Variants in GADL1 observed in about 807,000 individuals in gnomAD.
GADL1 encodes GAD like acidic amino acid decarboxylase 1.
Under a neutral mutation model 69.5 loss-of-function variants are expected in GADL1, and 71 were observed. The observed-to-expected ratio is 1.02, with a 90% CI of 0.84 to 1.25. The LOEUF (loss-of-function observed/expected upper bound fraction) is 1.25. Ranked by LOEUF, GADL1 falls within the 50% of genes most tolerant of loss-of-function variation. The probability of loss-of-function intolerance (pLI) is 0.00; values close to 1 mark genes in which losing one functional copy is unlikely to be tolerated. For synonymous variants in GADL1, 254 were observed against 214.4 expected (o/e 1.18, Z -1.62); for missense variants, 737 against 631.8 (o/e 1.17, Z -1.79).
rs1490670354 is a variant in GADL1 at position 30,854,808 on chromosome 3, G to T, written c.338-19C>A. ...GGGTGGTCTGTAAATTTAAAATGGA[G>T]TATTCATCTATGCAGCAATAAAAAA... On this transcript the variant is annotated intron_variant, in intron 3 of 14. Transcript: ENST00000282538. The T allele has an allele frequency of 2.3e-6, 3 of 1,324,958 alleles. No homozygotes were observed. Among genetic ancestry groups the T allele is most frequent in the Non-Finnish European group, 3.2e-6 (3 of 944,642 alleles). 82.1% of individuals were successfully genotyped at this position (1,324,958 alleles called of 1,614,324 possible).
At chr3:30,805,472 A>G (rs558659869) in intron 11 of GADL1, among the ~76,000 whole-genome samples, 2 of 152,324 alleles carry the variant, frequency 1.3e-5, no homozygotes, top group Non-Finnish European at 2.9e-5. Flanking sequence ...TCCTATAAAC[A>G]TGACCTCTGG....
intron 1 of GADL1, among the ~76,000 whole-genome samples, chr3:30,868,887 G>A (rs1360105129): frequency 1.3e-5 from 2 of 151,858 alleles, no homozygotes; most frequent in Non-Finnish European, 1.5e-5. Context: ...TCTGGTTGGG[G>A]GAGGCCAAGG....
At chr3:30,811,981 T>G (rs1200047975) in intron 11 of GADL1, among the ~76,000 whole-genome samples, 1 of 152,216 alleles carries the variant, frequency 6.6e-6, no homozygotes, top group Non-Finnish European at 1.5e-5. Context: ...AATCCTGATC[T>G]AGAAGTTTAA....
At chr3:30,838,384 G>A (rs914558681) in intron 9 of GADL1, among the ~76,000 whole-genome samples, 3 of 152,084 alleles carry the variant, frequency 2.0e-5, no homozygotes, top group African/African-American at 7.2e-5. Context: ...ATAACCGCAG[G>A]ACTTACAAAA....
intron 14 of GADL1, among the ~76,000 whole-genome samples, chr3:30,762,129 G>A (rs1696151437): frequency 6.6e-6 from 1 of 152,098 alleles, no homozygotes; most frequent in Non-Finnish European, 1.5e-5. Flanking sequence ...GAAGGCAGCA[G>A]GAAAGTCTTT....
At chr3:30,874,544 C>T (rs1698549840) in intron 1 of GADL1, among the ~76,000 whole-genome samples, 1 of 151,866 alleles carries the variant, frequency 6.6e-6, no homozygotes, top group Non-Finnish European at 1.5e-5. Context: ...AGCAAATGTC[C>T]TCATGTTGAA....
intron 14 of GADL1, among the ~76,000 whole-genome samples, chr3:30,769,992 A>AG (rs1696381496): frequency 6.6e-6 from 1 of 152,254 alleles, no homozygotes; most frequent in South Asian, 2.1e-4. Flanking sequence ...TTAAAAACAA[A>AG]GGGTTCACGT....
rs558290068 is a variant in GADL1, at chr3:30,894,626, C to T, written c.-12G>A. 1.2e-5 allele frequency: 18 copies of T among 1,550,424 alleles called. No individual in the cohort carries two copies. In the South Asian group the frequency reaches 1.5e-4, roughly 13 times the overall value. ...GAGTCGCTGCTCATCTCCGCTCCCCCACTCCAGGCTGCCCCGGGCGCGGCT... is the reference window on the plus strand; with the variant it reads ...GAGTCGCTGCTCATCTCCGCTCCCCTACTCCAGGCTGCCCCGGGCGCGGCT... On this transcript the variant is annotated 5_prime_UTR_variant, in exon 1 of 15. Transcript: ENST00000282538.
At chr3:30,761,683 T>G (rs1427396775) in intron 14 of GADL1, among the ~76,000 whole-genome samples, 2 of 149,000 alleles carry the variant, frequency 1.3e-5, no homozygotes, top group Non-Finnish European at 1.5e-5. Context: ...GGAATGAGAT[T>G]TTTTTAGACA....
chr3:30,783,200 T>A (rs1696706763), intron 13 of GADL1, among the ~76,000 whole-genome samples: 1 of 152,166 alleles, frequency 6.6e-6, no homozygotes, highest in South Asian at 2.1e-4. Context: ...CTCCTCCTAG[T>A]GTAGACCTTG....
At chr3:30,891,160 A>G (rs1698780729) in intron 1 of GADL1, among the ~76,000 whole-genome samples, 3 of 152,178 alleles carry the variant, frequency 2.0e-5, no homozygotes, top group Middle Eastern at 6.8e-3. Context: ...GAGGAACAGA[A>G]TCAGTAAACC....
chr3:30,847,230 T>C (rs1698074084), intron 6 of GADL1, among the ~76,000 whole-genome samples: 1 of 152,166 alleles, frequency 6.6e-6, no homozygotes. Context: ...AGTGCAAAGG[T>C]CTTTGTCATG....
chr3:30,778,120 GAT>G (rs1696578830), intron 14 of GADL1, 57 bp downstream of exon 14: 1 of 945,382 alleles, frequency 1.1e-6, no homozygotes, highest in Non-Finnish European at 1.7e-6. Context: ...AGGATCAACA[GAT>G]AATGTACACT....
chr3:30,781,601 A>T (rs560606332), intron 13 of GADL1, among the ~76,000 whole-genome samples: 1 of 152,342 alleles, frequency 6.6e-6, no homozygotes, highest in South Asian at 2.1e-4. Context: ...CAAAGGCAGC[A>T]CTGGATAGCA....
chr3:30,846,054 C>CA (rs55634806), intron 6 of GADL1, among the ~76,000 whole-genome samples: 1,805 of 115,802 alleles, frequency 0.016, 16 homozygotes, highest in South Asian at 0.043. Context: ...ATAGATAGAT[C>CA]AAAAAAAAAA....
chr3:30,772,394 CAG>C (rs1696437534), intron 14 of GADL1, among the ~76,000 whole-genome samples: 1 of 152,104 alleles, frequency 6.6e-6, no homozygotes, highest in Non-Finnish European at 1.5e-5. Flanking sequence ...TATTCTACAT[CAG>C]AATACTGAGT....
At chr3:30,833,740 C>A in intron 11 of GADL1, 113 bp downstream of exon 11, 1 of 695,738 alleles carries the variant, frequency 1.4e-6, no homozygotes. Flanking sequence ...TTCCCAAACA[C>A]CTTCAATTTA....
intron 14 of GADL1, among the ~76,000 whole-genome samples, chr3:30,751,611 G>A (rs544253222): frequency 8.3e-4 from 126 of 151,982 alleles, no homozygotes; most frequent in African/African-American, 3.0e-3. Context: ...ATAGAAGATA[G>A]GCTAATGTGA....
chr3:30,817,678 A>AT (rs1037525171), intron 11 of GADL1, among the ~76,000 whole-genome samples: 1 of 152,234 alleles, frequency 6.6e-6, no homozygotes, highest in Non-Finnish European at 1.5e-5. Flanking sequence ...CAAGTTGAAT[A>AT]TTGAAATGGC....
Sources: allele counts gnomAD v4.1 joint callset (sites outside exome capture counted in the v4.1 genomes callset), GRCh38; gene constraint gnomAD v4.1.1; transcripts MANE v1.5; gene names NCBI Gene and HGNC (gene_info 2026-07-23, HGNC 2026-07-21).